LRRC8D: variants seen among roughly 807,000 people sequenced by gnomAD.
LRRC8D encodes volume-regulated anion channel subunit LRRC8D.
A neutral mutation model predicts 55.8 loss-of-function variants in LRRC8D; 20 were observed. The ratio of observed to expected loss-of-function variants is 0.36; its 90% confidence interval spans 0.25 to 0.52. The LOEUF (loss-of-function observed/expected upper bound fraction) is 0.52, where lower values mean the gene tolerates loss of function less well. LRRC8D is among the 20% of genes least tolerant of loss of function. LRRC8D has a pLI of 0.93. For synonymous variants in LRRC8D, 352 were observed against 377.0 expected (o/e 0.93, Z 0.77); for missense variants, 651 against 1,030.8 (o/e 0.63, Z 5.05).
chr1:89,875,707 G>A (rs1570846684), intron 2 of LRRC8D, among the ~76,000 whole-genome samples: 3 of 152,034 alleles, frequency 2.0e-5, no homozygotes, highest in Admixed American at 2.0e-4. Flanking sequence ...ATGTTTAAAT[G>A]AAATTTTTAT....
chr1:89,887,540 T>C (rs1662451665), intron 2 of LRRC8D, among the ~76,000 whole-genome samples: 1 of 152,216 alleles, frequency 6.6e-6, no homozygotes, highest in Admixed American at 6.5e-5. Flanking sequence ...TACCAAGCTT[T>C]CAACCTATGA....
chr1:89,919,740 A>G (rs1557484040), intron 2 of LRRC8D, among the ~76,000 whole-genome samples: 1 of 152,176 alleles, frequency 6.6e-6, no homozygotes, highest in Non-Finnish European at 1.5e-5. Flanking sequence ...GGACTAATGA[A>G]ACTATTGTCA....
intron 1 of LRRC8D, among the ~76,000 whole-genome samples, chr1:89,827,852 C>T (rs1422591629): frequency 6.6e-6 from 1 of 152,188 alleles, no homozygotes; most frequent in East Asian, 1.9e-4. Flanking sequence ...AAGAGGTATA[C>T]CTTAAAACTT....
At chr1:89,853,978 G>A (rs185395062) in intron 2 of LRRC8D, among the ~76,000 whole-genome samples, 248 of 152,274 alleles carry the variant, frequency 1.6e-3, no homozygotes, top group Middle Eastern at 3.4e-3. Context: ...TGGTGAGGAA[G>A]TGACTACAAG....
At chr1:89,825,630 G>A (rs1660744665) in intron 1 of LRRC8D, among the ~76,000 whole-genome samples, 1 of 152,178 alleles carries the variant, frequency 6.6e-6, no homozygotes, top group Admixed American at 6.5e-5. Flanking sequence ...GAAGGAGAGA[G>A]GATTGAGGTT....
intron 2 of LRRC8D, among the ~76,000 whole-genome samples, chr1:89,886,524 T>A (rs1311821057): frequency 1.3e-5 from 2 of 152,206 alleles, no homozygotes; most frequent in African/African-American, 4.8e-5. Context: ...TCATTTATTG[T>A]AAAGACAAGA....
intron 2 of LRRC8D, among the ~76,000 whole-genome samples, chr1:89,924,781 G>T (rs1209770929): frequency 6.6e-6 from 1 of 152,136 alleles, no homozygotes; most frequent in East Asian, 1.9e-4. Flanking sequence ...GGATGCAGCT[G>T]CAGGCCATTA....
At chr1:89,925,501 C>T in intron 2 of LRRC8D, among the ~76,000 whole-genome samples, 1 of 152,296 alleles carries the variant, frequency 6.6e-6, no homozygotes, top group South Asian at 2.1e-4. Flanking sequence ...TGGTTGGGGA[C>T]TGCTGACCTT....
At chr1:89,907,716 A>AC (rs958390281) in intron 2 of LRRC8D, among the ~76,000 whole-genome samples, 147 of 152,206 alleles carry the variant, frequency 9.7e-4, no homozygotes, top group African/African-American at 3.4e-3. Context: ...CTACTTTGTG[A>AC]CCCCACAGCA....
At chr1:89,845,800 C>T (rs1661260455) in intron 2 of LRRC8D, among the ~76,000 whole-genome samples, 1 of 150,864 alleles carries the variant, frequency 6.6e-6, no homozygotes, top group African/African-American at 2.4e-5. Context: ...ATTTTTGAGA[C>T]GGAGGAGTTT....
At chr1:89,892,856 A>G (rs1348920233) in intron 2 of LRRC8D, among the ~76,000 whole-genome samples, 2 of 152,210 alleles carry the variant, frequency 1.3e-5, no homozygotes, top group African/African-American at 2.4e-5. Context: ...CAAGGTTATT[A>G]TATGTAACTT....
intron 2 of LRRC8D, among the ~76,000 whole-genome samples, chr1:89,923,314 C>T (rs994330011): frequency 2.0e-5 from 3 of 152,150 alleles, no homozygotes; most frequent in Non-Finnish European, 2.9e-5. Flanking sequence ...TTAATACTTA[C>T]TAAATATATG....
intron 2 of LRRC8D, among the ~76,000 whole-genome samples, chr1:89,931,003 ATTTTTTT>A (rs56714673): frequency 5.0e-5 from 6 of 120,962 alleles, no homozygotes; most frequent in African/African-American, 9.6e-5. Context: ...TTCCTTGGTA[ATTTTTTT>A]TTTTTTTTTT....
intron 2 of LRRC8D, among the ~76,000 whole-genome samples, chr1:89,882,777 T>C (rs1434234666): frequency 6.6e-6 from 1 of 152,190 alleles, no homozygotes; most frequent in African/African-American, 2.4e-5. Context: ...GTAGTTCTTT[T>C]AGAAAGTGTG....
chr1:89,935,158 C>A lies in LRRC8D; in HGVS notation c.2090C>A (p.Thr697Asn). 1 of 1,614,186 alleles carries A rather than the reference C, an allele frequency of 6.2e-7. No individual in the cohort carries two copies. Among genetic ancestry groups the A allele is most frequent in the Non-Finnish European group, 8.5e-7 (1 of 1,180,028 alleles). ...CLKLWHNKIVTIPPSITHVKN... is the reference protein window; with the variant it reads ...CLKLWHNKIVNIPPSITHVKN... The stretch of plus-strand genomic sequence containing the variant: ...AAATTATGGCATAACAAAATTGTTA[C>A]TATTCCTCCCTCTATTACCCATGTC... The change falls in exon 3 of 3, where the codon ACT becomes AAT. Residue 697 changes from threonine to asparagine, a missense_variant. Thr to Asn is a moderately conservative substitution (Grantham distance 65). Transcript: ENST00000337338.
At chr1:89,846,449 C>T (rs557289042) in intron 2 of LRRC8D, 31 of 151,900 alleles carry the variant, frequency 2.0e-4, no homozygotes, top group African/African-American at 7.0e-4. Context: ...TGTCAGTGGT[C>T]GTATTAGTAA....
intron 1 of LRRC8D, among the ~76,000 whole-genome samples, chr1:89,824,571 T>C (rs1660720569): frequency 6.6e-6 from 1 of 152,244 alleles, no homozygotes; most frequent in Non-Finnish European, 1.5e-5. Context: ...GTTGTATTTT[T>C]ACTTGAGCTG....
intron 2 of LRRC8D, among the ~76,000 whole-genome samples, chr1:89,858,210 G>A (rs1175676803): frequency 1.3e-5 from 2 of 152,190 alleles, no homozygotes; most frequent in Admixed American, 6.5e-5. Flanking sequence ...CAGCCTGAGC[G>A]ACAAGAGTGA....
intron 2 of LRRC8D, among the ~76,000 whole-genome samples, chr1:89,891,859 C>A (rs1158331979): frequency 2.0e-5 from 3 of 152,160 alleles, no homozygotes; most frequent in African/African-American, 7.2e-5. Context: ...TTTCCTTTCC[C>A]TTTGTTCCTG....
Sources: allele counts gnomAD v4.1 joint callset (sites outside exome capture counted in the v4.1 genomes callset), GRCh38; gene constraint gnomAD v4.1.1; transcripts MANE v1.5; gene names NCBI Gene and HGNC (gene_info 2026-07-23, HGNC 2026-07-21).